TASP1: variants seen among roughly 807,000 people sequenced by gnomAD.
The protein encoded by TASP1 is threonine aspartase 1.
Under a neutral mutation model 56.6 loss-of-function variants are expected in TASP1, and 16 were observed. The ratio of observed to expected loss-of-function variants is 0.28; its 90% CI spans 0.19 to 0.43. The LOEUF is 0.43. Among genes scored for constraint, TASP1 ranks in the 20% least tolerant of loss-of-function variants. The pLI is 1.00. For missense variants in TASP1, 393 were observed against 511.6 expected (o/e 0.77, Z 2.24); for synonymous variants, 179 against 184.2 (o/e 0.97, Z 0.23).
chr20:13,371,806 T>C, the TASP1 span, among the ~76,000 whole-genome samples: 6 of 152,220 alleles, frequency 3.9e-5, no homozygotes, highest in East Asian at 3.8e-4. Flanking sequence ...ATGTCAGTCA[T>C]GTATTTTGGG....
the TASP1 span, among the ~76,000 whole-genome samples, chr20:13,342,199 T>C: frequency 2.0e-5 from 3 of 152,216 alleles, no homozygotes; most frequent in African/African-American, 7.2e-5. Context: ...ACATGTGGGC[T>C]GGCCTTCCCA....
chr20:13,120,970 A>G, the TASP1 span, among the ~76,000 whole-genome samples: 2 of 152,220 alleles, frequency 1.3e-5, no homozygotes, highest in African/African-American at 4.8e-5. Flanking sequence ...GAAATTCCAG[A>G]TCACTACTTC....
chr20:13,596,156 T>C (rs1425802109), intron 4 of TASP1, among the ~76,000 whole-genome samples: 1 of 152,060 alleles, frequency 6.6e-6, no homozygotes. Flanking sequence ...GCAGATCACC[T>C]GAGGTCGGGA....
the TASP1 span, chr20:13,279,670 G>A: frequency 1.9e-6 from 3 of 1,613,856 alleles, no homozygotes; most frequent in African/African-American, 2.7e-5. Flanking sequence ...TGACTCTGAA[G>A]CAGATAAAGA....
intron 8 of TASP1, among the ~76,000 whole-genome samples, chr20:13,552,952 G>A (rs1057469333): frequency 6.6e-6 from 1 of 151,922 alleles, no homozygotes; most frequent in African/African-American, 2.4e-5. Context: ...GACAGAGTCG[G>A]GGAGACAGAG....
intron 11 of TASP1, among the ~76,000 whole-genome samples, chr20:13,437,938 G>T (rs948141085): frequency 4.6e-5 from 7 of 152,148 alleles, no homozygotes; most frequent in Non-Finnish European, 8.8e-5. Context: ...TACTGCCCAA[G>T]GTAATTTATA....
intron 12 of TASP1, among the ~76,000 whole-genome samples, chr20:13,434,516 A>G (rs1306244851): frequency 6.6e-6 from 1 of 152,092 alleles, no homozygotes; most frequent in Non-Finnish European, 1.5e-5. Context: ...ACCCTCCCTC[A>G]CCACAGCTTT....
the TASP1 span, among the ~76,000 whole-genome samples, chr20:13,234,480 T>C: frequency 6.6e-6 from 1 of 152,170 alleles, no homozygotes; most frequent in Admixed American, 6.5e-5. Flanking sequence ...AGGAGTGGGA[T>C]TGCTGGATTG....
chr20:13,245,496 A>T, the TASP1 span: 1 of 152,132 alleles, frequency 6.6e-6, no homozygotes, highest in Non-Finnish European at 1.5e-5. Flanking sequence ...CCCACACTCA[A>T]AGGGAGGGGA....
intron 11 of TASP1, among the ~76,000 whole-genome samples, chr20:13,439,665 A>G (rs528413072): frequency 1.8e-4 from 28 of 152,290 alleles, no homozygotes; most frequent in African/African-American, 6.0e-4. Context: ...ATTAAAAAAG[A>G]AAAAAGAAAC....
chr20:13,233,191 A>G, the TASP1 span, among the ~76,000 whole-genome samples: 1 of 152,032 alleles, frequency 6.6e-6, no homozygotes, highest in Non-Finnish European at 1.5e-5. Context: ...TGGGGCCTCA[A>G]TTACATTGTG....
intron 1 of TASP1, among the ~76,000 whole-genome samples, chr20:13,637,523 T>C (rs2049353261): frequency 6.6e-6 from 1 of 152,214 alleles, no homozygotes; most frequent in Non-Finnish European, 1.5e-5. Context: ...AAGCAAAATG[T>C]GGCATATTCA....
At chr20:13,272,604 C>G in the TASP1 span, among the ~76,000 whole-genome samples, 1 of 152,200 alleles carries the variant, frequency 6.6e-6, no homozygotes, top group Non-Finnish European at 1.5e-5. Context: ...CACTCTTTGA[C>G]AACCCATGCA....
the TASP1 span, among the ~76,000 whole-genome samples, chr20:13,277,334 T>C: frequency 0.043 from 6,624 of 152,282 alleles, 203 homozygotes; most frequent in Non-Finnish European, 0.067. Flanking sequence ...TTACCATAAT[T>C]GTGGGCTTGC....
At chr20:13,484,245 CTGG>C (rs1034014446) in intron 10 of TASP1, among the ~76,000 whole-genome samples, 2 of 152,174 alleles carry the variant, frequency 1.3e-5, no homozygotes, top group African/African-American at 4.8e-5. Flanking sequence ...GGAAGATAGT[CTGG>C]TGATTCCTCA....
the TASP1 span, among the ~76,000 whole-genome samples, chr20:13,171,113 G>A: frequency 7.2e-5 from 11 of 152,176 alleles, no homozygotes; most frequent in Non-Finnish European, 1.6e-4. Context: ...CCCTTTTAAG[G>A]GCAAAATAAT....
At chr20:13,491,884 G>C (rs79383290) in intron 10 of TASP1, among the ~76,000 whole-genome samples, 1 of 149,288 alleles carries the variant, frequency 6.7e-6, no homozygotes, top group African/African-American at 2.6e-5. Context: ...TTAATGTAGT[G>C]TTCTAATGGT....
intron 6 of TASP1, among the ~76,000 whole-genome samples, chr20:13,576,233 G>A (rs185799291): frequency 7.8e-6 from 1 of 128,224 alleles, no homozygotes; most frequent in Non-Finnish European, 1.8e-5. Context: ...GGGAGGGGAG[G>A]GGAGCGGAGG....
At chr20:13,117,764 C>T in the TASP1 span, 21 of 1,552,544 alleles carry the variant, frequency 1.4e-5, no homozygotes, top group South Asian at 3.6e-5. Flanking sequence ...AAAACCTGAG[C>T]GCCCTGGGGA....
Sources: gnomAD v4.1 joint callset for allele counts (sites outside exome capture counted in the v4.1 genomes callset) on GRCh38, gnomAD v4.1.1 for gene constraint, MANE v1.5 for transcripts, NCBI Gene and HGNC (gene_info 2026-07-23, HGNC 2026-07-21) for gene names.